Variants in NRXN1 observed in about 807,000 individuals in gnomAD.
NRXN1 encodes the protein neurexin-1.
In NRXN1, 39 loss-of-function variants were observed where a neutral mutation model predicts 150.9. That is an observed-to-expected ratio of 0.26 (90% CI 0.20 to 0.34). NRXN1 has a LOEUF of 0.34. Ranked by LOEUF, NRXN1 falls within the 10% of genes least tolerant of loss-of-function variation. The probability of loss-of-function intolerance (pLI) is 1.00; values close to 1 mark genes in which losing one functional copy is unlikely to be tolerated. For synonymous variants in NRXN1, 924 were observed against 757.0 expected, an observed-to-expected ratio of 1.22 and a Z score of -3.62; for missense variants, 1,815 against 1,949.9, an observed-to-expected ratio of 0.93 and a Z score of 1.30.
chr2:50,770,682 T>G (rs1702906394), intron 5 of NRXN1, among the ~76,000 whole-genome samples: 1 of 152,042 alleles, frequency 6.6e-6, no homozygotes, highest in Admixed American at 6.6e-5. Flanking sequence ...TCTTTTAAAT[T>G]TTTTATTACT....
intron 17 of NRXN1, among the ~76,000 whole-genome samples, chr2:50,315,635 G>A (rs2152968391): frequency 6.6e-6 from 1 of 152,190 alleles, no homozygotes; most frequent in East Asian, 1.9e-4. Flanking sequence ...GCATCTACTT[G>A]TAAGCTCATT....
chr2:50,809,171 C>T (rs548326209), intron 5 of NRXN1, among the ~76,000 whole-genome samples: 17 of 152,112 alleles, frequency 1.1e-4, no homozygotes, highest in East Asian at 5.8e-4. Flanking sequence ...AGAGATGCTA[C>T]GAAGTTGTTA....
chr2:50,641,346 C>T (rs147032467), intron 5 of NRXN1, among the ~76,000 whole-genome samples: 2 of 152,142 alleles, frequency 1.3e-5, no homozygotes, highest in African/African-American at 4.8e-5. Flanking sequence ...AATTAAAAAG[C>T]AGGCTCTTTG....
At chr2:50,262,435 C>T in intron 17 of NRXN1, among the ~76,000 whole-genome samples, 1 of 151,778 alleles carries the variant, frequency 6.6e-6, no homozygotes, top group East Asian at 1.9e-4. Context: ...TTATTAGAAC[C>T]TAGTTATGTA....
chr2:50,045,966 G>C (rs550538325), intron 21 of NRXN1, among the ~76,000 whole-genome samples: 2 of 152,292 alleles, frequency 1.3e-5, no homozygotes, highest in African/African-American at 4.8e-5. Context: ...TGAAAAATTA[G>C]TATATAATGA....
intron 2 of NRXN1, among the ~76,000 whole-genome samples, chr2:50,944,004 C>A (rs1689915336): frequency 6.6e-6 from 1 of 152,150 alleles, no homozygotes. Context: ...CATCTTGCAT[C>A]TCTGATAAAA....
intron 5 of NRXN1, among the ~76,000 whole-genome samples, chr2:50,674,638 G>C (rs990378357): frequency 6.6e-6 from 1 of 152,084 alleles, no homozygotes; most frequent in African/African-American, 2.4e-5. Flanking sequence ...ACACCTGAGA[G>C]TGTTTGGGAG....
intron 21 of NRXN1, among the ~76,000 whole-genome samples, chr2:50,009,671 A>T (rs1013998322): frequency 6.6e-6 from 1 of 152,176 alleles, no homozygotes; most frequent in Non-Finnish European, 1.5e-5. Flanking sequence ...AGAGAGACAT[A>T]TCCAATTCAA....
At chr2:50,059,362 T>C (rs1694136322) in intron 19 of NRXN1, among the ~76,000 whole-genome samples, 1 of 152,190 alleles carries the variant, frequency 6.6e-6, no homozygotes, top group Non-Finnish European at 1.5e-5. Flanking sequence ...AGACGTGACT[T>C]GTGTGCTCTT....
chr2:50,235,138 C>T (rs902598552), intron 18 of NRXN1, among the ~76,000 whole-genome samples: 1 of 151,936 alleles, frequency 6.6e-6, no homozygotes, highest in African/African-American at 2.4e-5. Flanking sequence ...AAGGAAAAGG[C>T]CCTTGTTTTC....
chr2:50,391,976 G>A (rs899186116), intron 17 of NRXN1, among the ~76,000 whole-genome samples: 3 of 152,094 alleles, frequency 2.0e-5, no homozygotes, highest in African/African-American at 4.8e-5. Flanking sequence ...AAACATCTCT[G>A]CAGATTAATT....
chr2:50,961,164 C>G (rs188557159), intron 2 of NRXN1, among the ~76,000 whole-genome samples: 10 of 151,974 alleles, frequency 6.6e-5, no homozygotes, highest in African/African-American at 2.2e-4. Context: ...ATATTTGTTT[C>G]TCTCGATAAT....
intron 9 of NRXN1, among the ~76,000 whole-genome samples, chr2:50,546,057 C>A (rs377460318): frequency 1.7e-4 from 26 of 152,090 alleles, no homozygotes; most frequent in African/African-American, 6.3e-4. Flanking sequence ...ATGCAAAACC[C>A]ACAAAAAATG....
intron 22 of NRXN1, among the ~76,000 whole-genome samples, chr2:49,932,077 G>A (rs1307237330): frequency 6.6e-6 from 1 of 152,146 alleles, no homozygotes; most frequent in Non-Finnish European, 1.5e-5. Context: ...GTGTGAATGT[G>A]TGTGCATGTG....
chr2:50,512,273 G>A (rs563321417), intron 12 of NRXN1, among the ~76,000 whole-genome samples: 2 of 152,226 alleles, frequency 1.3e-5, no homozygotes, highest in African/African-American at 4.8e-5. Flanking sequence ...AGCAGACCAA[G>A]CCTTAAAGAG....
At chr2:50,792,788 A>C (rs897609567) in intron 5 of NRXN1, among the ~76,000 whole-genome samples, 1 of 152,096 alleles carries the variant, frequency 6.6e-6, no homozygotes, top group Non-Finnish European at 1.5e-5. Context: ...ACTTTAGAGA[A>C]TTTATTTAAA....
Position 50,584,415 on chromosome 2 carries a change from G to A in NRXN1, c.1321-31390C>T, listed in dbSNP as rs552292513. On this transcript the variant is annotated intron_variant, in intron 8 of 22. Transcript: ENST00000401669. ...TACACTTGTACTCATCAGCCCATCT[G>A]TCCTGCTTTCCTTGGCTTGGAAACT... 2.0e-5 allele frequency among the ~76,000 whole-genome samples: 3 copies of A among 152,162 alleles called. No individual in the cohort carries two copies. The South Asian group carries it at 6.2e-4, about 32-fold the overall frequency.
intron 15 of NRXN1, among the ~76,000 whole-genome samples, chr2:50,480,695 G>A (rs1459651320): frequency 1.3e-5 from 2 of 152,130 alleles, no homozygotes; most frequent in Non-Finnish European, 2.9e-5. Context: ...CTTCTAGTTT[G>A]TAGCTTCTAT....
At chr2:50,413,778 C>T (rs2083351069) in intron 17 of NRXN1, among the ~76,000 whole-genome samples, 1 of 151,986 alleles carries the variant, frequency 6.6e-6, no homozygotes, top group Admixed American at 6.6e-5. Flanking sequence ...TTGGGAGCCA[C>T]CTAAGTTTTC....
Sources: gnomAD v4.1 joint callset for allele counts (sites outside exome capture counted in the v4.1 genomes callset) on GRCh38, gnomAD v4.1.1 for gene constraint, MANE v1.5 for transcripts, NCBI Gene and HGNC (gene_info 2026-07-23, HGNC 2026-07-21) for gene names.